SASH1: variants seen among roughly 807,000 people sequenced by gnomAD.
SASH1 encodes SAM and SH3 domain containing 1, also known as SAM and SH3 domain-containing protein 1.
In SASH1, 44 loss-of-function variants were observed where a neutral mutation model predicts 125.2. The observed-to-expected ratio is 0.35, with a 90% CI of 0.28 to 0.45. The LOEUF (loss-of-function observed/expected upper bound fraction) is 0.45, where lower values mean the gene tolerates loss of function less well. SASH1 is among the 20% of genes least tolerant of loss of function. The probability of loss-of-function intolerance (pLI) is 1.00; values close to 1 mark genes in which losing one functional copy is unlikely to be tolerated. For synonymous variants in SASH1, 639 were observed against 649.1 expected (o/e 0.98, Z 0.24); for missense variants, 1,426 against 1,614.5 (o/e 0.88, Z 2.00).
At chr6:148,540,089 G>T (rs1196600148) in intron 16 of SASH1, among the ~76,000 whole-genome samples, 1 of 152,082 alleles carries the variant, frequency 6.6e-6, no homozygotes, top group African/African-American at 2.4e-5. Context: ...GCTTCTCCTT[G>T]ATGGTGCCAT....
intron 1 of SASH1, among the ~76,000 whole-genome samples, chr6:148,276,362 A>G (rs1345826029): frequency 6.6e-6 from 1 of 152,202 alleles, no homozygotes; most frequent in Non-Finnish European, 1.5e-5. Context: ...TCTTCTGTCC[A>G]GCCTTGGACT....
Position 148,327,079 on chromosome 6 carries a change from A to G in SASH1, n.74+54702A>G, listed in dbSNP as rs75211139. 6.3e-3 allele frequency among the ~76,000 whole-genome samples: 958 copies of G among 152,094 alleles called. 6 individuals carry two copies. The highest frequency in any genetic ancestry group is 0.022 in the African/African-American group (893 of 41,486). On this transcript the variant is annotated intron_variant and non_coding_transcript_variant, in intron 1 of 3. Coordinates refer to the SASH1 transcript ENST00000367469. ...TGAACAATTCTTGCTCCTCACCAAT[A>G]TTGGCCATTCTCTCCTCTGAGCACC...
At chr6:148,506,800 G>A (rs1214437290) in intron 8 of SASH1, among the ~76,000 whole-genome samples, 5 of 152,108 alleles carry the variant, frequency 3.3e-5, no homozygotes, top group Admixed American at 3.3e-4. Context: ...CAGTTTTAAG[G>A]AACTGTGAGC....
intron 2 of SASH1, among the ~76,000 whole-genome samples, chr6:148,426,066 G>T (rs995046978): frequency 6.6e-6 from 1 of 151,878 alleles, no homozygotes. Flanking sequence ...AAAGTTAGCT[G>T]GGTGTGGTGG....
chr6:148,336,933 AACTAATTACAT>A (rs1393592332), intron 1 of SASH1, among the ~76,000 whole-genome samples: 1 of 152,174 alleles, frequency 6.6e-6, no homozygotes, highest in Non-Finnish European at 1.5e-5. Context: ...CCCAGCGGAA[AACTAATTACAT>A]TTCGTATGTT....
chr6:148,372,328 A>T (rs1422370856), intron 1 of SASH1, among the ~76,000 whole-genome samples: 1 of 152,248 alleles, frequency 6.6e-6, no homozygotes, highest in East Asian at 1.9e-4. Flanking sequence ...CTACATAAAC[A>T]TAGACGTGCC....
rs754362224 is a variant in SASH1, at chr6:148,544,247, A to C, written c.2777A>C (p.Gln926Pro). The change falls in exon 18 of 20, where the codon CAG becomes CCG. Residue 926 changes from glutamine (Q) to proline (P), a missense_variant. This residue lies in a region of SASH1 where 634 missense variants were observed against 694.4 expected (regional missense o/e 0.91). Coordinates refer to ENST00000367467, the MANE Select transcript of SASH1 (RefSeq NM_015278.5). This position sits in a 1 kb window ranked among gnomAD's most constrained non-coding sequence, Gnocchi z 6.4. ...TCTGGTCGCGGCCTGTCACCCCCTC[A>C]GTGTTTGCCCAGAAACTATGATGCT... is the stretch of plus-strand genomic sequence containing the variant. ...AASGRGLSPP[Q>P]CLPRNYDAQP... is the part of the protein sequence containing the mutation. 7 of 1,614,028 alleles carry C rather than the reference A, an allele frequency of 4.3e-6. 1 individual carries two copies. In the African/African-American group the frequency reaches 9.3e-5, roughly 22 times the overall value.
rs181822754 is a variant in SASH1, at chr6:148,464,112, T to C, written c.387-4433T>C. Among the ~76,000 whole-genome samples the C allele has an allele frequency of 1.5e-3, 222 of 152,310 alleles. 3 individuals are homozygous for C. The highest frequency in any genetic ancestry group is 2.5e-3 in the Admixed American group (39 of 15,310). On this transcript the variant is annotated intron_variant, in intron 4 of 19. Transcript: ENST00000367467. ...TCTGGGGATACTGTCTCTTAAATTATTTTTATTTTTCAATGGGATTGATAA... is the reference window on the plus strand; with the variant it reads ...TCTGGGGATACTGTCTCTTAAATTACTTTTATTTTTCAATGGGATTGATAA...
At chr6:148,397,230 C>T (rs184059482) in intron 2 of SASH1, among the ~76,000 whole-genome samples, 21 of 152,174 alleles carry the variant, frequency 1.4e-4, no homozygotes, top group Admixed American at 1.3e-3. Flanking sequence ...TCTGTAATCC[C>T]AGCACTTTGG....
chr6:148,263,098 C>G, the SASH1 span, among the ~76,000 whole-genome samples: 1 of 152,126 alleles, frequency 6.6e-6, no homozygotes, highest in Non-Finnish European at 1.5e-5. Flanking sequence ...TGCAGAGAGA[C>G]GGCAGGCAGA....
intron 8 of SASH1, among the ~76,000 whole-genome samples, chr6:148,510,323 A>C (rs1199384067): frequency 6.6e-6 from 1 of 152,146 alleles, no homozygotes; most frequent in African/African-American, 2.4e-5. Flanking sequence ...TTTTCTCTTG[A>C]AGGTTTTCTG....
chr6:148,360,493 A>G (rs754720686), intron 1 of SASH1, among the ~76,000 whole-genome samples: 14 of 151,918 alleles, frequency 9.2e-5, no homozygotes, highest in Non-Finnish European at 1.9e-4. Flanking sequence ...GATTACAGGC[A>G]TGTGCTACCA....
chr6:148,352,312 CA>C lies in SASH1; in HGVS notation c.156+9092del, dbSNP rs558375491. Among the ~76,000 whole-genome samples the C allele has an allele frequency of 1.5e-4, 23 of 152,178 alleles. No individual in the cohort carries two copies. The South Asian group carries it at 4.6e-3, about 30-fold the overall frequency. Reference sequence around the variant, plus strand: ...ATGAGGATTATTTAAATAATGAGAACAAAGGCCAGGCTTGGTGGCTCACGCC... The same window carrying C: ...ATGAGGATTATTTAAATAATGAGAACAAGGCCAGGCTTGGTGGCTCACGCC... On this transcript the variant is annotated intron_variant, in intron 1 of 19. Transcript: ENST00000367467.
At chr6:148,230,192 C>A in the SASH1 span, among the ~76,000 whole-genome samples, 1 of 152,146 alleles carries the variant, frequency 6.6e-6, no homozygotes, top group Non-Finnish European at 1.5e-5. Flanking sequence ...GATTCTTTCA[C>A]GCACCACAAT....
intron 2 of SASH1, among the ~76,000 whole-genome samples, chr6:148,413,921 G>A (rs140165513): frequency 4.9e-4 from 75 of 152,014 alleles, no homozygotes; most frequent in African/African-American, 1.7e-3. Context: ...ATAAATATAT[G>A]GGGAATCACT....
intron 4 of SASH1, among the ~76,000 whole-genome samples, chr6:148,455,338 G>T (rs1207177070): frequency 6.6e-6 from 1 of 152,150 alleles, no homozygotes; most frequent in Non-Finnish European, 1.5e-5. Context: ...TAAGCTCTTG[G>T]CTTCTACTCT....
intron 2 of SASH1, among the ~76,000 whole-genome samples, chr6:148,419,026 A>G (rs1228278370): frequency 6.6e-6 from 1 of 152,140 alleles, no homozygotes; most frequent in Admixed American, 6.5e-5. Context: ...CAACTTTATA[A>G]TATTTTTGGT....
chr6:148,387,757 G>A lies in SASH1; in HGVS notation c.157-2377G>A, dbSNP rs1300966746. On this transcript the variant is annotated intron_variant, in intron 1 of 19. Transcript: ENST00000367467. The stretch of plus-strand genomic sequence containing the variant: ...CTTTTCTTTTCTTTCTTTCTTTGAC[G>A]GAGTTTCACTCTGCTGCCCTGGCCA... Among the ~76,000 whole-genome samples the A allele has an allele frequency of 6.2e-5, 9 of 145,214 alleles. No homozygotes were observed. In the South Asian group the frequency reaches 1.1e-3, roughly 18 times the overall value.
intron 2 of SASH1, among the ~76,000 whole-genome samples, chr6:148,392,895 T>C (rs1291669146): frequency 6.6e-6 from 1 of 152,166 alleles, no homozygotes; most frequent in African/African-American, 2.4e-5. Context: ...AGTAACTTTA[T>C]GTGTCAAAAG....
Sources: gnomAD v4.1 joint callset for allele counts (sites outside exome capture counted in the v4.1 genomes callset) on GRCh38, gnomAD v4.1.1 for gene constraint, gnomAD v4.1.1 regional missense constraint, Gnocchi (gnomAD v3.1) non-coding constraint, MANE v1.5 for transcripts, NCBI Gene and HGNC (gene_info 2026-07-23, HGNC 2026-07-21) for gene names.